ZNF578: variants seen among roughly 807,000 people sequenced by gnomAD.
ZNF578 encodes the protein zinc finger protein 578.
ZNF578 carries 8 observed loss-of-function variants against 8.3 expected under a neutral mutation model. The observed-to-expected ratio is 0.96, with a 90% CI of 0.56 to 1.74. ZNF578 has a LOEUF of 1.74. ZNF578 is among the 40% of genes most tolerant of loss of function. The pLI is 0.00. For synonymous variants in ZNF578, 206 were observed against 232.2 expected (o/e 0.89, Z 1.03); for missense variants, 726 against 707.5 (o/e 1.03, Z -0.30).
At chr19:52,506,288 G>C (rs7253326) in intron 5 of ZNF578, among the ~76,000 whole-genome samples, 17,171 of 151,748 alleles carry the variant, frequency 0.11, 1,037 homozygotes, top group African/African-American at 0.17. Context: ...ATGGATATCT[G>C]GGTTGGTTTT....
At chr19:52,505,285 A>G (rs2059421774) in intron 5 of ZNF578, among the ~76,000 whole-genome samples, 1 of 152,194 alleles carries the variant, frequency 6.6e-6, no homozygotes, top group African/African-American at 2.4e-5. Context: ...AGCAGCAGTC[A>G]GTGGTGTTGA....
chr19:52,490,639 CA>C (rs1568461869), intron 2 of ZNF578, among the ~76,000 whole-genome samples: 1 of 150,260 alleles, frequency 6.7e-6, no homozygotes, highest in African/African-American at 2.4e-5. Flanking sequence ...ATTGTATTAA[CA>C]TTTTTTTTTT....
At chr19:52,485,206 C>T (rs1244984384) in intron 2 of ZNF578, among the ~76,000 whole-genome samples, 2 of 152,070 alleles carry the variant, frequency 1.3e-5, no homozygotes, top group Non-Finnish European at 2.9e-5. Context: ...TGTGTGATTA[C>T]TTTTGTGCTT....
chr19:52,466,103 T>C (rs1172022768), intron 2 of ZNF578, among the ~76,000 whole-genome samples: 2 of 152,224 alleles, frequency 1.3e-5, no homozygotes, highest in Admixed American at 1.3e-4. Flanking sequence ...ATCACTTAGA[T>C]CTGAGAAGCA....
chr19:52,474,443 TA>T, intron 2 of ZNF578: 1 of 303,086 alleles, frequency 3.3e-6, no homozygotes. Flanking sequence ...AGTCTCGGGC[TA>T]AAAACTTTGC....
intron 4 of ZNF578, among the ~76,000 whole-genome samples, chr19:52,502,752 G>A (rs544651268): frequency 6.6e-6 from 1 of 152,122 alleles, no homozygotes; most frequent in Admixed American, 6.5e-5. Flanking sequence ...AAAAAGAGAG[G>A]GAGAGAGAAG....
chr19:52,482,584 G>A (rs994303251), intron 2 of ZNF578, among the ~76,000 whole-genome samples: 2 of 151,836 alleles, frequency 1.3e-5, no homozygotes, highest in African/African-American at 4.8e-5. Flanking sequence ...GTTGCAGTGA[G>A]CCAAGGTTGC....
At chr19:52,480,754 G>A (rs528698083) in intron 2 of ZNF578, among the ~76,000 whole-genome samples, 3 of 151,774 alleles carry the variant, frequency 2.0e-5, no homozygotes, top group South Asian at 2.1e-4. Context: ...AAAATTAGCC[G>A]GGCATGGTGG....
intron 2 of ZNF578, among the ~76,000 whole-genome samples, chr19:52,487,182 T>A (rs531545117): frequency 1.4e-3 from 216 of 150,866 alleles, no homozygotes; most frequent in Admixed American, 5.3e-3. Flanking sequence ...AAAAAAAAAA[T>A]AATAATAATA....
In ZNF578 at chr19:52,484,424, A is replaced by AG. The variant is rs557463361; in HGVS notation, c.-121-6898dup. Among the ~76,000 whole-genome samples, 168 of 152,248 alleles carry AG rather than the reference A, an allele frequency of 1.1e-3. 3 individuals are homozygous for AG. The East Asian group carries it at 0.014, about 12-fold the overall frequency. Reference sequence around the variant, plus strand: ...ACGGGTGTCGGGCTAGGGGATGGTCAGGTCTTTCCCTTCCCACGAGGCCAT... The same window carrying AG: ...ACGGGTGTCGGGCTAGGGGATGGTCAGGGTCTTTCCCTTCCCACGAGGCCAT... On this transcript the variant is annotated intron_variant, in intron 2 of 5. Transcript: ENST00000421239.
chr19:52,482,262 G>A (rs544051058), intron 2 of ZNF578, among the ~76,000 whole-genome samples: 7 of 152,252 alleles, frequency 4.6e-5, no homozygotes, highest in East Asian at 2.0e-4. Context: ...TCTAATTCCC[G>A]ACCTCAGGTG....
At chr19:52,508,386 AAAAG>A (rs1478372934) in intron 5 of ZNF578, among the ~76,000 whole-genome samples, 2 of 151,968 alleles carry the variant, frequency 1.3e-5, no homozygotes, top group South Asian at 2.1e-4. Flanking sequence ...GAAAGAGAGA[AAAAG>A]AAAGAAAGAT....
intron 3 of ZNF578, among the ~76,000 whole-genome samples, chr19:52,498,323 A>ATT (rs1183622086): frequency 0.016 from 1,765 of 112,624 alleles, 49 homozygotes; most frequent in African/African-American, 0.055. Context: ...CGCCTGGCTA[A>ATT]TGTGTGTTTT....
chr19:52,478,960 C>G (rs1051565816), intron 2 of ZNF578, among the ~76,000 whole-genome samples: 30 of 151,538 alleles, frequency 2.0e-4, no homozygotes, highest in Non-Finnish European at 3.8e-4. Flanking sequence ...GTGATCTGCC[C>G]GCCTCAGCCT....
intron 5 of ZNF578, among the ~76,000 whole-genome samples, chr19:52,507,061 G>A (rs760669772): frequency 5.9e-5 from 9 of 151,924 alleles, no homozygotes; most frequent in Admixed American, 2.0e-4. Flanking sequence ...GAGACCAGTC[G>A]GGCAAACATA....
chr19:52,493,986 G>T (rs949977607), intron 3 of ZNF578, among the ~76,000 whole-genome samples: 8 of 114,288 alleles, frequency 7.0e-5, no homozygotes, highest in African/African-American at 2.6e-4. Context: ...GCAAAACTCC[G>T]TCCAAAAAAA....
intron 5 of ZNF578, among the ~76,000 whole-genome samples, chr19:52,505,649 C>T (rs1180761833): frequency 6.6e-6 from 1 of 152,054 alleles, no homozygotes; most frequent in Non-Finnish European, 1.5e-5. Context: ...TGCTCTCGAT[C>T]TCCTGACCTT....
intron 3 of ZNF578, among the ~76,000 whole-genome samples, chr19:52,497,560 C>T (rs1002771816): frequency 2.6e-5 from 4 of 152,170 alleles, no homozygotes; most frequent in South Asian, 2.1e-4. Context: ...AACTATTTCT[C>T]CTTTGAGCCA....
chr19:52,463,827 A>T (rs2059266064), intron 2 of ZNF578, among the ~76,000 whole-genome samples: 1 of 152,194 alleles, frequency 6.6e-6, no homozygotes, highest in African/African-American at 2.4e-5. Flanking sequence ...CCATTTTCCC[A>T]GTACTGTAGC....
Sources: gnomAD v4.1 joint callset for allele counts (sites outside exome capture counted in the v4.1 genomes callset) on GRCh38, gnomAD v4.1.1 for gene constraint, MANE v1.5 for transcripts, NCBI Gene and HGNC (gene_info 2026-07-23, HGNC 2026-07-21) for gene names.